Variants in RANBP2 observed in about 807,000 individuals in gnomAD.
RANBP2 encodes the protein RAN binding protein 2.
Under a neutral mutation model 303.6 loss-of-function variants are expected in RANBP2, and 57 were observed. The ratio of observed to expected loss-of-function variants is 0.19; its 90% CI spans 0.15 to 0.23. RANBP2 has a LOEUF of 0.23. Ranked by LOEUF, RANBP2 falls within the 10% of genes least tolerant of loss-of-function variation. RANBP2 has a pLI of 1.00. For synonymous variants in RANBP2, 1,167 were observed against 1,301.5 expected (o/e 0.90, Z 2.23); for missense variants, 3,138 against 3,780.8 (o/e 0.83, Z 4.46).
chr2:109,449,334 G>C, the RANBP2 span: 8 of 1,604,714 alleles, frequency 5.0e-6, no homozygotes, highest in Non-Finnish European at 6.8e-6. Context: ...CCCACGGCCG[G>C]CCATCCCCCT....
At chr2:108,852,919 C>T in the RANBP2 span, among the ~76,000 whole-genome samples, 3 of 152,100 alleles carry the variant, frequency 2.0e-5, no homozygotes, top group Non-Finnish European at 4.4e-5. Flanking sequence ...CCAACCATTA[C>T]AGAAGTAAAA....
the RANBP2 span, among the ~76,000 whole-genome samples, chr2:109,682,421 G>T: frequency 3.9e-5 from 6 of 152,278 alleles, no homozygotes; most frequent in African/African-American, 7.2e-5. Context: ...CAGAAAGGGC[G>T]GAAAAGGCTT....
chr2:109,318,971 A>G, the RANBP2 span, among the ~76,000 whole-genome samples: 4 of 152,254 alleles, frequency 2.6e-5, no homozygotes, highest in African/African-American at 4.8e-5. Context: ...TTGTATTTCA[A>G]GTGTCTGTCC....
the RANBP2 span, among the ~76,000 whole-genome samples, chr2:109,422,141 G>A: frequency 6.6e-6 from 1 of 152,182 alleles, no homozygotes; most frequent in Non-Finnish European, 1.5e-5. Flanking sequence ...TGTAAGTCAC[G>A]TTCAGAAGTC....
chr2:108,963,836 G>A, the RANBP2 span, among the ~76,000 whole-genome samples: 1 of 152,238 alleles, frequency 6.6e-6, no homozygotes, highest in African/African-American at 2.4e-5. Flanking sequence ...AAGGCAGAAA[G>A]AGGAAAGTGT....
At chr2:109,196,499 C>G in the RANBP2 span, among the ~76,000 whole-genome samples, 1 of 152,358 alleles carries the variant, frequency 6.6e-6, no homozygotes, top group African/African-American at 2.4e-5. Context: ...CAGTCTGTTT[C>G]TAGAGTGTCT....
chr2:108,747,770 CGAA>C (rs964302131), intron 8 of RANBP2, among the ~76,000 whole-genome samples: 12 of 152,174 alleles, frequency 7.9e-5, no homozygotes, highest in Non-Finnish European at 1.0e-4. Flanking sequence ...AGAATTAACT[CGAA>C]GGAGGGTTTT....
chr2:108,933,161 T>C, the RANBP2 span, among the ~76,000 whole-genome samples: 1 of 152,160 alleles, frequency 6.6e-6, no homozygotes, highest in Non-Finnish European at 1.5e-5. Context: ...TGCCTCCGGG[T>C]GTATTTGTAA....
chr2:109,521,217 C>CAAAAA, the RANBP2 span, among the ~76,000 whole-genome samples: 6,516 of 114,896 alleles, frequency 0.057, 530 homozygotes, highest in African/African-American at 0.2. Flanking sequence ...GACTCCGTCT[C>CAAAAA]AAAAAAAAAA....
the RANBP2 span, among the ~76,000 whole-genome samples, chr2:108,909,813 A>G: frequency 6.6e-6 from 1 of 152,194 alleles, no homozygotes; most frequent in African/African-American, 2.4e-5. Context: ...CACCTGCCAA[A>G]TCTCCTCCTC....
chr2:109,678,254 C>T, the RANBP2 span, among the ~76,000 whole-genome samples: 3 of 152,360 alleles, frequency 2.0e-5, no homozygotes, highest in South Asian at 2.1e-4. Flanking sequence ...GCAAAAAATA[C>T]GGAGGATCCC....
the RANBP2 span, among the ~76,000 whole-genome samples, chr2:109,429,901 G>A: frequency 6.6e-6 from 1 of 152,166 alleles, no homozygotes; most frequent in South Asian, 2.1e-4. Flanking sequence ...GTAGCCTGGA[G>A]GGAGAAGTGG....
At chr2:109,592,797 G>GA in the RANBP2 span, among the ~76,000 whole-genome samples, 84 of 150,096 alleles carry the variant, frequency 5.6e-4, no homozygotes, top group Admixed American at 2.7e-3. Context: ...AAAAGGAAAC[G>GA]AAAAAAGAAA....
chr2:108,979,339 T>A, the RANBP2 span, among the ~76,000 whole-genome samples: 3 of 152,172 alleles, frequency 2.0e-5, no homozygotes, highest in Non-Finnish European at 4.4e-5. Flanking sequence ...AACACTCTTG[T>A]TTGCTGGGGC....
At chr2:109,322,268 T>C in the RANBP2 span, among the ~76,000 whole-genome samples, 1 of 152,310 alleles carries the variant, frequency 6.6e-6, no homozygotes, top group Non-Finnish European at 1.5e-5. Context: ...TTGCATTTCC[T>C]GTTGAAGTCA....
chr2:109,148,468 A>G, the RANBP2 span, among the ~76,000 whole-genome samples: 2 of 152,208 alleles, frequency 1.3e-5, no homozygotes, highest in East Asian at 3.8e-4. Context: ...AACTGTGTAC[A>G]AATTTCTGCA....
the RANBP2 span, among the ~76,000 whole-genome samples, chr2:109,025,954 C>T: frequency 6.6e-6 from 1 of 152,122 alleles, no homozygotes; most frequent in Non-Finnish European, 1.5e-5. Flanking sequence ...CTGATGTCCT[C>T]ATCCTGGTGT....
the RANBP2 span, among the ~76,000 whole-genome samples, chr2:109,610,838 G>A: frequency 6.6e-6 from 1 of 152,156 alleles, no homozygotes; most frequent in African/African-American, 2.4e-5. Flanking sequence ...TCGAATCCCA[G>A]CAAAATTATT....
the RANBP2 span, among the ~76,000 whole-genome samples, chr2:109,233,824 G>T: frequency 6.6e-6 from 1 of 152,174 alleles, no homozygotes; most frequent in Non-Finnish European, 1.5e-5. Context: ...CTTGAGTCTG[G>T]CTTCTCTCAC....
Sources: gnomAD v4.1 joint callset for allele counts (sites outside exome capture counted in the v4.1 genomes callset) on GRCh38, gnomAD v4.1.1 for gene constraint, MANE v1.5 for transcripts, NCBI Gene and HGNC (gene_info 2026-07-23, HGNC 2026-07-21) for gene names.